The following NUP93 variants were observed in gnomAD, a reference collection of about 807,000 sequenced individuals.
NUP93 encodes nuclear pore complex protein Nup93.
In NUP93, 55 loss-of-function variants were observed where a neutral mutation model predicts 107.8. The ratio of observed to expected loss-of-function variants is 0.51; its 90% CI spans 0.41 to 0.64. NUP93 has a LOEUF of 0.64. Ranked by LOEUF, NUP93 falls within the 30% of genes least tolerant of loss-of-function variation. The pLI is 0.00. For missense variants in NUP93, 937 were observed against 1,044.7 expected (o/e 0.90, Z 1.42); for synonymous variants, 390 against 397.5 (o/e 0.98, Z 0.22).
intron 2 of NUP93, among the ~76,000 whole-genome samples, chr16:56,754,871 C>G (rs534771864): frequency 6.6e-6 from 1 of 152,318 alleles, no homozygotes; most frequent in Admixed American, 6.5e-5. Flanking sequence ...AGACATTTCT[C>G]TACATTCTCT....
intron 13 of NUP93, among the ~76,000 whole-genome samples, chr16:56,833,710 C>G (rs1423334237): frequency 6.6e-6 from 1 of 151,480 alleles, no homozygotes; most frequent in Non-Finnish European, 1.5e-5. Flanking sequence ...GGGTCTGATT[C>G]CCATTAGGGC....
intron 7 of NUP93, among the ~76,000 whole-genome samples, chr16:56,822,564 C>CTTTTTTTT (rs56395453): frequency 2.4e-5 from 3 of 126,946 alleles, no homozygotes; most frequent in East Asian, 2.3e-4. Context: ...CTTTTCTTTT[C>CTTTTTTTT]TTTTTTTTTT....
intron 4 of NUP93, among the ~76,000 whole-genome samples, chr16:56,804,112 C>T (rs1963081104): frequency 6.6e-6 from 1 of 152,034 alleles, no homozygotes; most frequent in African/African-American, 2.4e-5. Context: ...TTGTGCACTG[C>T]AGGTAGAAAT....
At chr16:56,774,095 G>A (rs1239576978) in intron 3 of NUP93, among the ~76,000 whole-genome samples, 1 of 152,168 alleles carries the variant, frequency 6.6e-6, no homozygotes, top group Non-Finnish European at 1.5e-5. Context: ...AGAGCCCAGA[G>A]GAGAATAAAG....
chr16:56,795,238 A>ATT (rs1303240379), intron 3 of NUP93, among the ~76,000 whole-genome samples: 19 of 152,294 alleles, frequency 1.2e-4, no homozygotes, highest in African/African-American at 3.1e-4. Flanking sequence ...AGTCATTGAT[A>ATT]ATAGTTTCAT....
At position 56,807,750 on chromosome 16, in the gene NUP93, C is replaced by T. The variant is rs748736546; in HGVS notation, c.489+2118C>T. On this transcript the variant is annotated intron_variant, in intron 5 of 21. Transcript: ENST00000308159. ...AAATATAGGCAGTGTGGCCCGGGCG[C>T]GGTGGTTCACGCCTATAATCCCAGC... Among the ~76,000 whole-genome samples, 12 of 152,004 alleles carry T rather than the reference C, an allele frequency of 7.9e-5. No individual in the cohort carries two copies. The East Asian group carries it at 1.2e-3, about 15-fold the overall frequency.
intron 16 of NUP93, 85 bp downstream of exon 16, chr16:56,834,863 C>A: frequency 1.8e-6 from 2 of 1,131,624 alleles, no homozygotes; most frequent in Non-Finnish European, 2.6e-6. Flanking sequence ...TTTTAAGATT[C>A]AAGGTACTAA....
intron 9 of NUP93, 132 bp from the exon 10 acceptor site, chr16:56,830,396 C>A: frequency 1.3e-6 from 1 of 786,634 alleles, no homozygotes; most frequent in Non-Finnish European, 1.9e-6. Context: ...GTTAATGGTT[C>A]TCACTGCAGG....
At chr16:56,837,820 G>A (rs2144643250) in intron 18 of NUP93, 94 bp downstream of exon 18, 1 of 865,372 alleles carries the variant, frequency 1.2e-6, no homozygotes, top group Non-Finnish European at 1.8e-6. Context: ...GCTTTACTAG[G>A]TAACAGCAGA....
intron 8 of NUP93, among the ~76,000 whole-genome samples, chr16:56,827,942 A>G (rs1963701757): frequency 6.6e-6 from 1 of 152,210 alleles, no homozygotes; most frequent in South Asian, 2.1e-4. Context: ...CAAAATGGTG[A>G]AACCCCATCT....
intron 2 of NUP93, among the ~76,000 whole-genome samples, chr16:56,753,667 C>T (rs1482780159): frequency 6.6e-6 from 1 of 152,034 alleles, no homozygotes; most frequent in Admixed American, 6.6e-5. Flanking sequence ...GCTTGAGTAA[C>T]ACTGCTTTAC....
chr16:56,740,360 G>A (rs1327905800), intron 1 of NUP93, among the ~76,000 whole-genome samples: 1 of 151,298 alleles, frequency 6.6e-6, no homozygotes, highest in Non-Finnish European at 1.5e-5. Flanking sequence ...GTCTCGGCCG[G>A]GCAGAGGCGC....
intron 21 of NUP93, among the ~76,000 whole-genome samples, chr16:56,843,064 G>A (rs189871590): frequency 2.0e-5 from 3 of 152,252 alleles, no homozygotes; most frequent in East Asian, 1.9e-4. Context: ...GAAAGATGGC[G>A]GAAATTTCCA....
chr16:56,769,375 G>C (rs1962278447), intron 3 of NUP93, among the ~76,000 whole-genome samples: 1 of 152,114 alleles, frequency 6.6e-6, no homozygotes, highest in Non-Finnish European at 1.5e-5. Flanking sequence ...TGAGGGAGAG[G>C]CTGGAGCGTA....
rs1385671438 is a variant in NUP93, at chr16:56,847,146, G to C, written c.*2537G>C. 7.9e-5 allele frequency: 12 copies of C among 152,176 alleles called. No individual in the cohort carries two copies. Among genetic ancestry groups the C allele is most frequent in the Admixed American group, 7.9e-4 (12 of 15,266 alleles). 9.4% of individuals were successfully genotyped at this position (152,176 alleles called of 1,614,324 possible). A position where few individuals can be genotyped will look rare whatever the true frequency, so the allele number is the denominator to read the frequency against. On this transcript the variant is annotated 3_prime_UTR_variant, in exon 22 of 22. Transcript: ENST00000308159. ...AAGATAAGTAGGTTCATACCAGAAG[G>C]GCCAGGACTCGGATGGAGCAAATCC...
intron 1 of NUP93, among the ~76,000 whole-genome samples, chr16:56,746,688 C>A (rs1861817587): frequency 6.6e-6 from 1 of 152,206 alleles, no homozygotes; most frequent in Non-Finnish European, 1.5e-5. Context: ...TGCTTCATAG[C>A]TGACATATAA....
intron 3 of NUP93, among the ~76,000 whole-genome samples, chr16:56,785,880 A>C (rs1373161329): frequency 6.6e-6 from 1 of 152,212 alleles, no homozygotes; most frequent in African/African-American, 2.4e-5. Flanking sequence ...GTTAAAATAG[A>C]ATTTAAAGTA....
intron 21 of NUP93, among the ~76,000 whole-genome samples, 168 bp downstream of exon 21, chr16:56,842,001 G>A (rs1964035931): frequency 1.3e-5 from 2 of 152,236 alleles, no homozygotes; most frequent in Admixed American, 1.3e-4. Context: ...AAATATTAAA[G>A]GGATTGCTGC....
At chr16:56,768,061 TACTC>T (rs1454150090) in intron 3 of NUP93, among the ~76,000 whole-genome samples, 1 of 152,258 alleles carries the variant, frequency 6.6e-6, no homozygotes, top group African/African-American at 2.4e-5. Context: ...GCTATAAAAT[TACTC>T]AGTTTGCTGT....
Sources: allele counts gnomAD v4.1 joint callset (sites outside exome capture counted in the v4.1 genomes callset), GRCh38; gene constraint gnomAD v4.1.1; transcripts MANE v1.5; gene names NCBI Gene and HGNC (gene_info 2026-07-23, HGNC 2026-07-21).